SORCS2: variants seen among roughly 807,000 people sequenced by gnomAD.
SORCS2 encodes the protein sortilin related VPS10 domain containing receptor 2.
SORCS2 carries 100 observed loss-of-function variants against 141.6 expected under a neutral mutation model. The ratio of observed to expected loss-of-function variants is 0.71; its 90% CI spans 0.60 to 0.83. The LOEUF is 0.83. SORCS2 is among the 40% of genes least tolerant of loss of function. The pLI is 0.00. For missense variants in SORCS2, 1,646 were observed against 1,560.2 expected, an observed-to-expected ratio of 1.05 and a Z score of -0.93; for synonymous variants, 789 against 676.9, an observed-to-expected ratio of 1.17 and a Z score of -2.57.
chr4:7,691,283 C>G (rs1426944750), intron 11 of SORCS2, among the ~76,000 whole-genome samples: 1 of 152,194 alleles, frequency 6.6e-6, no homozygotes, highest in East Asian at 1.9e-4. Context: ...CAGGGTGGGC[C>G]CTCCAAGGCT....
At chr4:7,330,333 G>T (rs576626169) in intron 1 of SORCS2, among the ~76,000 whole-genome samples, 92 of 152,176 alleles carry the variant, frequency 6.0e-4, no homozygotes, top group Non-Finnish European at 8.1e-4. Flanking sequence ...ACCTTTTAGG[G>T]GCTGTGATTC....
At chr4:7,722,682 A>G (rs1726672931) in intron 18 of SORCS2, among the ~76,000 whole-genome samples, 2 of 152,272 alleles carry the variant, frequency 1.3e-5, no homozygotes, top group South Asian at 4.1e-4. Flanking sequence ...TTAGCTAATG[A>G]CACCTGTAAA....
intron 1 of SORCS2, among the ~76,000 whole-genome samples, chr4:7,372,929 C>A (rs529347661): frequency 6.6e-6 from 1 of 151,660 alleles, no homozygotes; most frequent in African/African-American, 2.4e-5. Flanking sequence ...TTTGGTGCAA[C>A]GCAGTCTTCC....
chr4:7,451,122 G>A (rs980475587), intron 2 of SORCS2, among the ~76,000 whole-genome samples: 5 of 152,240 alleles, frequency 3.3e-5, no homozygotes, highest in African/African-American at 9.6e-5. Context: ...GTGAATGAAC[G>A]AATGAGTGAG....
At position 7,634,096 on chromosome 4, in the gene SORCS2, C is replaced by T. The variant is rs1458136721; in HGVS notation, c.649-4232C>T. Among the ~76,000 whole-genome samples, 3 of 62,332 alleles carry T rather than the reference C, an allele frequency of 4.8e-5. 1 individual carries two copies. Among genetic ancestry groups the T allele is most frequent in the Non-Finnish European group, 1.4e-4 (3 of 21,474 alleles). 40.9% of individuals were successfully genotyped at this position (62,332 alleles called of 152,430 possible). On this transcript the variant is annotated intron_variant, in intron 3 of 26. Transcript: ENST00000507866. ...ATGCAGAACTTTGGGAGGGACAGGCCGGGCACCGTGGCTCATGCCTTAATC... is the reference window on the plus strand; with the variant it reads ...ATGCAGAACTTTGGGAGGGACAGGCTGGGCACCGTGGCTCATGCCTTAATC...
At chr4:7,294,353 C>T (rs1344884688) in intron 1 of SORCS2, among the ~76,000 whole-genome samples, 1 of 152,062 alleles carries the variant, frequency 6.6e-6, no homozygotes, top group Non-Finnish European at 1.5e-5. Flanking sequence ...CAGGACGGGG[C>T]TAGGTGGTGC....
At chr4:7,660,002 C>T (rs1353765802) in intron 5 of SORCS2, among the ~76,000 whole-genome samples, 2 of 152,114 alleles carry the variant, frequency 1.3e-5, no homozygotes, top group African/African-American at 2.4e-5. Context: ...TTGGTTTCCT[C>T]GTCTGTAAAA....
chr4:7,624,011 A>G (rs910818842), intron 3 of SORCS2, among the ~76,000 whole-genome samples: 1 of 152,172 alleles, frequency 6.6e-6, no homozygotes, highest in Non-Finnish European at 1.5e-5. Flanking sequence ...GGGCCATTCA[A>G]CAAGGATAAT....
At chr4:7,400,461 C>CCCA (rs71173499) in intron 2 of SORCS2, among the ~76,000 whole-genome samples, 26,274 of 151,238 alleles carry the variant, frequency 0.17, 2,528 homozygotes, top group East Asian at 0.27. Flanking sequence ...TATGGTTTGC[C>CCCA]CCACCACCAC....
chr4:7,214,207 T>C (rs12643248), intron 1 of SORCS2, among the ~76,000 whole-genome samples: 53,338 of 151,994 alleles, frequency 0.35, 10,058 homozygotes, highest in East Asian at 0.54. Flanking sequence ...TGAAATTTAA[T>C]TGGCAATGTA....
intron 1 of SORCS2, among the ~76,000 whole-genome samples, chr4:7,225,002 G>A (rs1249109458): frequency 6.6e-6 from 1 of 152,208 alleles, no homozygotes; most frequent in African/African-American, 2.4e-5. Flanking sequence ...TCCATAAAAT[G>A]CTTCCAAGGG....
chr4:7,443,461 G>T (rs1727806766), intron 2 of SORCS2, among the ~76,000 whole-genome samples: 1 of 152,222 alleles, frequency 6.6e-6, no homozygotes, highest in African/African-American at 2.4e-5. Context: ...GATCACACAG[G>T]CCTGAGACGC....
intron 2 of SORCS2, among the ~76,000 whole-genome samples, chr4:7,453,816 C>CTG (rs1401479241): frequency 1.5e-4 from 17 of 110,370 alleles, no homozygotes; most frequent in Non-Finnish European, 2.2e-4. Flanking sequence ...GGGTCAGGTG[C>CTG]TGTGTTGGGG....
chr4:7,506,889 G>A (rs897332373), intron 2 of SORCS2, among the ~76,000 whole-genome samples: 3 of 152,126 alleles, frequency 2.0e-5, no homozygotes, highest in Non-Finnish European at 4.4e-5. Context: ...ATAGGTAAGT[G>A]CCATAAATTA....
chr4:7,357,464 T>C lies in SORCS2; in HGVS notation c.481-38824T>C, dbSNP rs887230487. ...CATGTTGGCAGAGAAGCCTGGCTGCTGGAGCTCTGGAGATGGAGGCGTCTG... is the reference window on the plus strand; with the variant it reads ...CATGTTGGCAGAGAAGCCTGGCTGCCGGAGCTCTGGAGATGGAGGCGTCTG... On this transcript the variant is annotated intron_variant, in intron 1 of 26. Transcript: ENST00000507866. Among the ~76,000 whole-genome samples, 6 of 152,328 alleles carry C rather than the reference T, an allele frequency of 3.9e-5. No homozygotes were observed. In the East Asian group the frequency reaches 1.2e-3, roughly 29 times the overall value.
intron 2 of SORCS2, chr4:7,434,432 G>T (rs768726316): frequency 6.2e-7 from 1 of 1,609,396 alleles, no homozygotes; most frequent in Admixed American, 1.7e-5. Context: ...AGTGGCCTCA[G>T]GGTGGCCAGG....
intron 1 of SORCS2, among the ~76,000 whole-genome samples, chr4:7,298,744 A>T (rs1051592681): frequency 3.9e-5 from 6 of 152,140 alleles, no homozygotes; most frequent in Admixed American, 6.5e-5. Context: ...CTAACCAAAG[A>T]CCTGAGCAAA....
At chr4:7,687,915 C>G (rs1043694705) in intron 10 of SORCS2, among the ~76,000 whole-genome samples, 1 of 152,196 alleles carries the variant, frequency 6.6e-6, no homozygotes, top group African/African-American at 2.4e-5. Context: ...AACCAACTGT[C>G]CGTTCCTGGC....
At chr4:7,693,602 A>T (rs1412865016) in intron 11 of SORCS2, among the ~76,000 whole-genome samples, 1 of 152,168 alleles carries the variant, frequency 6.6e-6, no homozygotes, top group African/African-American at 2.4e-5. Flanking sequence ...AGGATCCAAC[A>T]CAGAGCAGAG....
Sources: gnomAD v4.1 joint callset for allele counts (sites outside exome capture counted in the v4.1 genomes callset) on GRCh38, gnomAD v4.1.1 for gene constraint, MANE v1.5 for transcripts, NCBI Gene and HGNC (gene_info 2026-07-23, HGNC 2026-07-21) for gene names.